Variants in LYST observed in about 807,000 individuals in gnomAD.
LYST encodes lysosomal-trafficking regulator.
Under a neutral mutation model 413.6 loss-of-function variants are expected in LYST, and 192 were observed. The ratio of observed to expected loss-of-function variants is 0.46; its 90% confidence interval spans 0.41 to 0.52. LYST has a LOEUF of 0.52. Ranked by LOEUF, LYST falls within the 20% of genes least tolerant of loss-of-function variation. The pLI is 0.00. For missense variants in LYST, 3,815 were observed against 4,499.9 expected (o/e 0.85, Z 4.35); for synonymous variants, 1,525 against 1,567.3 (o/e 0.97, Z 0.64).
intron 1 of LYST, among the ~76,000 whole-genome samples, chr1:235,871,948 A>G (rs1393453031): frequency 1.3e-5 from 2 of 152,236 alleles, no homozygotes; most frequent in African/African-American, 4.8e-5. Context: ...GCTCTGAAAT[A>G]AAACAAAGAC....
At chr1:235,798,137 C>T (rs915398112) in intron 10 of LYST, among the ~76,000 whole-genome samples, 1 of 152,052 alleles carries the variant, frequency 6.6e-6, no homozygotes, top group Non-Finnish European at 1.5e-5. Flanking sequence ...CCCCTCAAAA[C>T]TGTCAAGGCT....
intron 39 of LYST, among the ~76,000 whole-genome samples, chr1:235,721,689 T>C (rs1663384614): frequency 6.6e-6 from 1 of 152,056 alleles, no homozygotes; most frequent in Admixed American, 6.5e-5. Context: ...GAATAGAACA[T>C]CCTAAACCTG....
At chr1:235,787,057 A>G in intron 14 of LYST, 143 bp downstream of exon 14, 1 of 657,588 alleles carries the variant, frequency 1.5e-6, no homozygotes, top group Non-Finnish European at 2.6e-6. Context: ...TAATAATAAA[A>G]AAAGAAACAA....
chr1:235,745,322 A>G (rs565841786), intron 29 of LYST, among the ~76,000 whole-genome samples: 1 of 152,238 alleles, frequency 6.6e-6, no homozygotes, highest in Non-Finnish European at 1.5e-5. Flanking sequence ...AAGTTTGTAC[A>G]TATATATTCA....
intron 47 of LYST, among the ~76,000 whole-genome samples, chr1:235,688,221 C>T (rs759664464): frequency 3.3e-5 from 5 of 152,214 alleles, no homozygotes; most frequent in African/African-American, 7.2e-5. Context: ...AGTTACATTA[C>T]AAGATCTTAA....
At position 235,792,020 on chromosome 1, in the gene LYST, C is replaced by T. The variant is rs916754425; in HGVS notation, c.4222G>A (p.Gly1408Ser). 14 of 1,613,874 alleles carry T rather than the reference C, an allele frequency of 8.7e-6. No homozygotes were observed. The highest frequency in any genetic ancestry group is 8.3e-5 in the Admixed American group (5 of 59,986). ...CCAGGATACTTTTGTGATGAAACAC[C>T]GTTGCTTAAATTTGGAGCGTGCAGT... ...PLLHAPNLSN[G>S]VSSQKYPGIL... The change falls in exon 12 of 53, where the codon GGT becomes AGT. Residue 1408 changes from glycine to serine, a missense_variant. Around this residue, in one of 4 missense-constraint regions of LYST, gnomAD observed 1,648 missense variants for 1,810.3 expected, o/e 0.91. Coordinates refer to ENST00000389793, the MANE Select transcript of LYST (RefSeq NM_000081.4).
At chr1:235,700,966 G>A (rs1438951399) in intron 45 of LYST, among the ~76,000 whole-genome samples, 1 of 152,130 alleles carries the variant, frequency 6.6e-6, no homozygotes, top group Non-Finnish European at 1.5e-5. Context: ...AACAAAGAAG[G>A]GGAAGGGATC....
intron 48 of LYST, among the ~76,000 whole-genome samples, chr1:235,685,218 T>G (rs1660117594): frequency 6.6e-6 from 1 of 152,166 alleles, no homozygotes; most frequent in Admixed American, 6.5e-5. Context: ...ATGTCCTTCT[T>G]CTGTGGTCCT....
chr1:235,745,298 A>G (rs1665808907), intron 29 of LYST, among the ~76,000 whole-genome samples: 1 of 152,166 alleles, frequency 6.6e-6, no homozygotes, highest in Non-Finnish European at 1.5e-5. Context: ...TGGGTGCTCT[A>G]AGTATTACAT....
Position 235,747,682 on chromosome 1 carries a change from C to T in LYST, c.7781-1155G>A, listed in dbSNP as rs146409051. Among the ~76,000 whole-genome samples the T allele has an allele frequency of 1.2e-3, 183 of 152,212 alleles. 1 individual carries two copies. Among genetic ancestry groups the T allele is most frequent in the Admixed American group, 3.2e-3 (49 of 15,286 alleles). ...CGTGCAGCTGATGATTGTAATTCAG[C>T]GGTATGATAATACACTGAATAAGGA... On this transcript the variant is annotated intron_variant, in intron 28 of 52. Transcript: ENST00000389793.
intron 50 of LYST, among the ~76,000 whole-genome samples, chr1:235,668,347 A>T (rs1405013229): frequency 1.9e-4 from 29 of 152,204 alleles, no homozygotes. Flanking sequence ...GGGTCGCTAC[A>T]GATAAATTTG....
chr1:235,825,090 AT>A (rs1237900741), intron 3 of LYST, among the ~76,000 whole-genome samples: 1 of 152,198 alleles, frequency 6.6e-6, no homozygotes, highest in Non-Finnish European at 1.5e-5. Context: ...ACATTACAGA[AT>A]AAAAAAGAAA....
rs780463999 is a variant in LYST, at chr1:235,755,551, G to T, written c.7156C>A (p.His2386Asn). 2 of 1,613,136 alleles carry T rather than the reference G, an allele frequency of 1.2e-6. No homozygotes were observed. Among genetic ancestry groups the T allele is most frequent in the South Asian group, 2.2e-5 (2 of 91,048 alleles). ...TCTAACAATTCTTGAGTTCCTCGATGAAGATACAACTGGTTGGCTAGCAAG... is the reference window on the plus strand; with the variant it reads ...TCTAACAATTCTTGAGTTCCTCGATTAAGATACAACTGGTTGGCTAGCAAG... Reference protein sequence around the residue: ...FSLLANQLYLHRGTQELLECF... With the variant: ...FSLLANQLYLNRGTQELLECF... Residue 2386 changes from histidine to asparagine, a missense_variant, in exon 25 of 53, where the codon CAT (histidine) becomes AAT (asparagine). Physicochemically the swap from His to Asn is moderately conservative, Grantham distance 68. Transcript: ENST00000389793.
At position 235,810,297 on chromosome 1, in the gene LYST, T is replaced by TC; in HGVS notation, c.520dup (p.Glu174GlyfsTer8). On this transcript the variant is annotated frameshift_variant, in exon 5 of 53. Transcript: ENST00000389793. LOFTEE classifies it high-confidence loss of function. ...ATGCTTATTCATTGCTATGCCTTTT[T>TC]CATCTGAATTGGCTTCTGAATCTGA... is the stretch of plus-strand genomic sequence containing the variant. The TC allele has an allele frequency of 6.2e-7, 1 of 1,614,188 alleles. No homozygotes were observed. Among genetic ancestry groups the TC allele is most frequent in the Non-Finnish European group, 8.5e-7 (1 of 1,179,998 alleles).
intron 6 of LYST, 58 bp from the exon 7 acceptor site, chr1:235,804,723 T>C: frequency 9.9e-7 from 1 of 1,008,800 alleles, no homozygotes; most frequent in Non-Finnish European, 1.5e-6. Context: ...AACTAAATGA[T>C]GAAAAAATAA....
chr1:235,731,209 G>A (rs761450259), intron 34 of LYST, 32 bp from the exon 35 acceptor site: 1 of 1,607,440 alleles, frequency 6.2e-7, no homozygotes, highest in South Asian at 1.1e-5. Flanking sequence ...GGTGTTTTAA[G>A]TGACCATCCA....
At chr1:235,798,578 T>TAAAAAAAAAAAAAAAAAAAAA (rs71174462) in intron 10 of LYST, among the ~76,000 whole-genome samples, 12 of 81,714 alleles carry the variant, frequency 1.5e-4, no homozygotes, top group Non-Finnish European at 1.9e-4. Flanking sequence ...AACCCTGTCA[T>TAAAAAAAAAAAAAAAAAAAAA]AAAAAAAAAA....
intron 1 of LYST, among the ~76,000 whole-genome samples, chr1:235,833,877 T>C (rs1007363498): frequency 6.6e-6 from 1 of 152,180 alleles, no homozygotes; most frequent in African/African-American, 2.4e-5. Flanking sequence ...AGCAACTCAA[T>C]AATAGCTCTC....
chr1:235,678,704 T>C (rs186361277), intron 48 of LYST, among the ~76,000 whole-genome samples: 1 of 152,222 alleles, frequency 6.6e-6, no homozygotes, highest in Non-Finnish European at 1.5e-5. Context: ...TACATATAAT[T>C]TGTGTACTGT....
Sources: gnomAD v4.1 joint callset for allele counts (sites outside exome capture counted in the v4.1 genomes callset) on GRCh38, gnomAD v4.1.1 for gene constraint, gnomAD v4.1.1 regional missense constraint, MANE v1.5 for transcripts, NCBI Gene and HGNC (gene_info 2026-07-23, HGNC 2026-07-21) for gene names.